The following RECQL5 variants were observed in gnomAD, a reference collection of about 807,000 sequenced individuals.
RECQL5 encodes RecQ like helicase 5, also known as ATP-dependent DNA helicase Q5.
RECQL5 carries 88 observed loss-of-function variants against 103.4 expected under a neutral mutation model. The ratio of observed to expected loss-of-function variants is 0.85; its 90% confidence interval spans 0.72 to 1.02. The LOEUF is 1.02. Ranked by LOEUF, RECQL5 falls within the 50% of genes least tolerant of loss-of-function variation. The probability of loss-of-function intolerance (pLI) is 0.00; values close to 1 mark genes in which losing one functional copy is unlikely to be tolerated. For missense variants in RECQL5, 1,232 were observed against 1,284.3 expected (o/e 0.96, Z 0.62); for synonymous variants, 552 against 507.9 (o/e 1.09, Z -1.17).
At position 75,630,238 on chromosome 17, in the gene RECQL5, C is replaced by G. The variant is rs1196131415; in HGVS notation, c.1758G>C (p.Glu586Asp). The G allele has an allele frequency of 6.4e-7, 1 of 1,562,074 alleles. No homozygotes were observed. The highest frequency in any genetic ancestry group is 8.7e-7 in the Non-Finnish European group (1 of 1,152,200). ...TGGCCACCTTGGCGTTCCGGAATGT[C>G]TCATGTTCCAGCTCCACGGCCTTGG... The part of the protein sequence containing the change: ...LRAKAVELEH[E>D]TFRNAKVANL... The change falls in exon 14 of 20, where the codon GAG (glutamate) becomes GAC (aspartate). Residue 586 changes from glutamate to aspartate, a missense_variant. Transcript: ENST00000317905.
At chr17:75,653,339 A>G (rs2059578146) in intron 7 of RECQL5, among the ~76,000 whole-genome samples, 1 of 152,222 alleles carries the variant, frequency 6.6e-6, no homozygotes, top group South Asian at 2.1e-4. Flanking sequence ...GGGCAGTGGA[A>G]CTCTAAAGAT....
chr17:75,653,209 CT>C (rs1328100489), intron 7 of RECQL5, among the ~76,000 whole-genome samples: 1 of 152,226 alleles, frequency 6.6e-6, no homozygotes, highest in Non-Finnish European at 1.5e-5. Flanking sequence ...AGCTCCAGGC[CT>C]TCCCACCAGG....
rs2059212663 is a variant in RECQL5, at chr17:75,631,476, G to A, written c.1422C>T (p.Gly474=). The change falls in exon 9 of 20, where the codon GGC becomes GGT. Residue 474 remains glycine (G), a synonymous_variant. Transcript: ENST00000317905. ...NGFDPELYEG[G]RKGYGDFSRY... ...TGCTGAAGTCCCCGTAGCCCTTGCG[G>A]CCTCCCTCATACAGCTCGGGGTCAA... 1 of 1,611,924 alleles carries A rather than the reference G, an allele frequency of 6.2e-7. No individual in the cohort carries two copies. Among genetic ancestry groups the A allele is most frequent in the Admixed American group, 1.7e-5 (1 of 60,002 alleles).
chr17:75,658,607 A>G (rs543205085), intron 6 of RECQL5, 147 bp from the exon 7 acceptor site: 2 of 667,840 alleles, frequency 3.0e-6, no homozygotes, highest in Non-Finnish European at 2.5e-6. Context: ...AGACACCTGT[A>G]GCCCATCAGC....
chr17:75,657,034 G>A (rs369483219), intron 7 of RECQL5, among the ~76,000 whole-genome samples: 1 of 151,988 alleles, frequency 6.6e-6, no homozygotes, highest in Non-Finnish European at 1.5e-5. Context: ...GTAAGCCATC[G>A]CGCCCGGCCC....
chr17:75,630,895 C>T, intron 11 of RECQL5, 58 bp from the exon 12 acceptor site: 1 of 1,567,622 alleles, frequency 6.4e-7, no homozygotes, highest in Non-Finnish European at 8.7e-7. Context: ...GCTCTGAGGT[C>T]CCCCACAGCC....
intron 8 of RECQL5, chr17:75,650,164 T>C: frequency 1.0e-6 from 1 of 986,832 alleles, no homozygotes; most frequent in Non-Finnish European, 1.2e-6. Context: ...TTAATTGTGC[T>C]TGAAAAGGGC....
intron 8 of RECQL5, chr17:75,650,432 C>A (rs1391766597): frequency 7.5e-7 from 1 of 1,331,660 alleles, no homozygotes; most frequent in African/African-American, 1.5e-5. Flanking sequence ...GAGGACGCCA[C>A]TGAAAATCAG....
intron 8 of RECQL5, among the ~76,000 whole-genome samples, chr17:75,632,506 C>G (rs2059237299): frequency 6.6e-6 from 1 of 152,248 alleles, no homozygotes; most frequent in African/African-American, 2.4e-5. Flanking sequence ...CATCATCAAC[C>G]CGTGAGGGTG....
Position 75,627,658 on chromosome 17 carries a change from T to C in RECQL5, c.2840A>G (p.His947Arg), listed in dbSNP as rs1292806765. ...LFKGFARHLSHLLTQKTSPGR... is the reference protein window; with the variant it reads ...LFKGFARHLSRLLTQKTSPGR... ...AGGAGAGGTCTTCTGAGTCAGCAAG[T>C]GTGAGAGGTGGCGGGCAAAGCCTTT... is the stretch of plus-strand genomic sequence containing the variant. Residue 947 changes from histidine (H) to arginine (R), a missense_variant, in exon 19 of 20, where the codon CAC becomes CGC. By Grantham distance (29) the His-to-Arg change is conservative. Coordinates refer to ENST00000317905, the MANE Select transcript of RECQL5 (RefSeq NM_004259.7). 1.9e-6 allele frequency: 3 copies of C among 1,611,504 alleles called. No homozygotes were observed. Among genetic ancestry groups the C allele is most frequent in the Admixed American group, 1.7e-5 (1 of 59,446 alleles).
rs1240124291 is a variant in RECQL5, at chr17:75,630,275, G to A, written c.1721C>T (p.Ala574Val). Residue 574 changes from alanine to valine, a missense_variant and splice_region_variant, in exon 14 of 20, where the codon GCT (alanine) becomes GTT (valine). By Grantham distance (64) the Ala-to-Val change is moderately conservative. Coordinates refer to ENST00000317905, the MANE Select transcript of RECQL5 (RefSeq NM_004259.7). ...NRQSTRTADE[A>V]DLRAKAVELE... ...CTCCACGGCCTTGGCCCGGAGGTCA[G>A]CTCTGTGGGTGCAAGGTAACAGGCA... 6.4e-7 allele frequency: 1 copy of A among 1,555,174 alleles called. No individual in the cohort carries two copies. The highest frequency in any genetic ancestry group is 8.7e-7 in the Non-Finnish European group (1 of 1,148,824).
chr17:75,645,613 G>C (rs1238047468), intron 8 of RECQL5, among the ~76,000 whole-genome samples: 2 of 152,234 alleles, frequency 1.3e-5, no homozygotes, highest in Admixed American at 1.3e-4. Context: ...GTGAGCTAGA[G>C]ACTGGCCCAC....
At chr17:75,641,752 G>T (rs924920967) in intron 8 of RECQL5, among the ~76,000 whole-genome samples, 1 of 152,226 alleles carries the variant, frequency 6.6e-6, no homozygotes, top group African/African-American at 2.4e-5. Flanking sequence ...AGCAGACTCA[G>T]ACCAGTGGGT....
intron 6 of RECQL5, among the ~76,000 whole-genome samples, chr17:75,659,826 G>A (rs1485931345): frequency 6.6e-6 from 1 of 152,154 alleles, no homozygotes; most frequent in African/African-American, 2.4e-5. Flanking sequence ...AGACCAAAGG[G>A]CTTCAGGCTG....
chr17:75,650,027 C>G (rs1419700691), intron 8 of RECQL5: 1 of 985,548 alleles, frequency 1.0e-6, no homozygotes, highest in East Asian at 1.1e-4. Flanking sequence ...GAGCCTCAGA[C>G]AGCCCCAGAG....
intron 7 of RECQL5, among the ~76,000 whole-genome samples, chr17:75,655,217 G>A (rs1168241307): frequency 1.3e-5 from 2 of 152,132 alleles, no homozygotes; most frequent in African/African-American, 2.4e-5. Context: ...GATTACAGGA[G>A]CCCGCCACCA....
chr17:75,630,376 G>T, intron 13 of RECQL5, 99 bp from the exon 14 acceptor site: 2 of 1,143,050 alleles, frequency 1.7e-6, no homozygotes, highest in African/African-American at 1.6e-5. Context: ...TAGGCCTTGG[G>T]CACAGGGATT....
In RECQL5 at chr17:75,661,722, T is replaced by A; in HGVS notation, c.772-14A>T. ...GCAGCCAGATAACTGAATGGGGAGA[T>A]GCAGGAAGAAAATAAGCATAGCAAG... On this transcript the variant is annotated splice_polypyrimidine_tract_variant and intron_variant, in intron 4 of 19. Transcript: ENST00000317905. 6.3e-7 allele frequency: 1 copy of A among 1,598,938 alleles called. No individual in the cohort carries two copies. The highest frequency in any genetic ancestry group is 2.2e-5 in the East Asian group (1 of 44,810).
chr17:75,647,910 A>C (rs892960911), intron 8 of RECQL5: 2 of 229,630 alleles, frequency 8.7e-6, no homozygotes, highest in Non-Finnish European at 1.8e-5. Context: ...CCAGCCAGCA[A>C]TTTCACAAAT....
Sources: allele counts gnomAD v4.1 joint callset (sites outside exome capture counted in the v4.1 genomes callset), GRCh38; gene constraint gnomAD v4.1.1; transcripts MANE v1.5; gene names NCBI Gene and HGNC (gene_info 2026-07-23, HGNC 2026-07-21).